Variants in SDK1 observed in about 807,000 individuals in gnomAD.
SDK1 encodes the protein sidekick cell adhesion molecule 1.
A neutral mutation model predicts 245.5 loss-of-function variants in SDK1; 157 were observed. The observed-to-expected ratio is 0.64, with a 90% CI of 0.56 to 0.73. The LOEUF (loss-of-function observed/expected upper bound fraction) is 0.73, where lower values mean the gene tolerates loss of function less well. Among genes scored for constraint, SDK1 ranks in the 30% least tolerant of loss-of-function variants. SDK1 has a pLI of 0.00. For synonymous variants in SDK1, 1,647 were observed against 1,278.5 expected (o/e 1.29, Z -6.15); for missense variants, 3,583 against 3,002.3 (o/e 1.19, Z -4.52).
chr7:3,665,845 C>G (rs1352015856), intron 4 of SDK1, among the ~76,000 whole-genome samples: 3 of 152,126 alleles, frequency 2.0e-5, no homozygotes, highest in Admixed American at 6.5e-5. Flanking sequence ...TTGCTTTTCT[C>G]TCTTTATTAA....
chr7:3,477,778 C>T (rs1562510534), intron 1 of SDK1, among the ~76,000 whole-genome samples: 1 of 151,956 alleles, frequency 6.6e-6, no homozygotes, highest in Non-Finnish European at 1.5e-5. Context: ...ACTCCCAAAG[C>T]ACAGGGATTA....
intron 38 of SDK1, among the ~76,000 whole-genome samples, chr7:4,216,042 C>T (rs1278116005): frequency 6.6e-6 from 1 of 152,194 alleles, no homozygotes; most frequent in Non-Finnish European, 1.5e-5. Context: ...GATACCACAA[C>T]CGGCCTTGGC....
intron 13 of SDK1, among the ~76,000 whole-genome samples, chr7:3,980,828 G>A (rs1040641578): frequency 3.3e-5 from 5 of 152,006 alleles, no homozygotes; most frequent in Non-Finnish European, 5.9e-5. Context: ...TGTAATCCCA[G>A]CTACTCAGGA....
chr7:3,484,041 A>G (rs1476684755), intron 1 of SDK1, among the ~76,000 whole-genome samples: 1 of 152,218 alleles, frequency 6.6e-6, no homozygotes, highest in Non-Finnish European at 1.5e-5. Context: ...TCAAACATTT[A>G]TCATTTCTGT....
At chr7:3,821,367 A>G (rs1779641788) in intron 4 of SDK1, 83 bp from the exon 5 acceptor site, 2 of 1,466,542 alleles carry the variant, frequency 1.4e-6, no homozygotes, top group African/African-American at 1.4e-5. Context: ...GCATTCCTTT[A>G]TAGTTGGCCT....
chr7:3,412,322 C>G (rs779499630), intron 1 of SDK1, among the ~76,000 whole-genome samples: 3 of 152,136 alleles, frequency 2.0e-5, no homozygotes, highest in Non-Finnish European at 2.9e-5. Context: ...TCTCTTCCCT[C>G]TTTTATTTTT....
chr7:3,721,505 C>T (rs1306601159), intron 4 of SDK1, among the ~76,000 whole-genome samples: 1 of 152,212 alleles, frequency 6.6e-6, no homozygotes, highest in Non-Finnish European at 1.5e-5. Context: ...TTTCACAGTA[C>T]AGCGTAGGCT....
At chr7:3,608,889 C>T (rs1781503692) in intron 1 of SDK1, among the ~76,000 whole-genome samples, 1 of 152,128 alleles carries the variant, frequency 6.6e-6, no homozygotes. Flanking sequence ...TAAAATACTC[C>T]CCTCCTTTCC....
chr7:3,525,949 G>A (rs141866100), intron 1 of SDK1, among the ~76,000 whole-genome samples: 2,007 of 152,184 alleles, frequency 0.013, 13 homozygotes, highest in Non-Finnish European at 0.021. Context: ...AATTCACATT[G>A]TGGGCCAGGC....
At chr7:3,703,927 C>A (rs1409950162) in intron 4 of SDK1, among the ~76,000 whole-genome samples, 3 of 152,098 alleles carry the variant, frequency 2.0e-5, no homozygotes, top group South Asian at 2.1e-4. Context: ...ATTTCAATAA[C>A]TTTTGGAGTA....
At chr7:3,526,421 T>G (rs1783134526) in intron 1 of SDK1, among the ~76,000 whole-genome samples, 1 of 152,188 alleles carries the variant, frequency 6.6e-6, no homozygotes, top group African/African-American at 2.4e-5. Context: ...TAACTTCCAT[T>G]TAATAATCAT....
intron 5 of SDK1, among the ~76,000 whole-genome samples, chr7:3,826,384 A>G (rs1236324555): frequency 6.6e-6 from 1 of 152,158 alleles, no homozygotes; most frequent in Non-Finnish European, 1.5e-5. Context: ...GATTTTCTTG[A>G]TACAATCTAG....
At chr7:3,606,518 G>C (rs375570464) in intron 1 of SDK1, among the ~76,000 whole-genome samples, 30 of 152,182 alleles carry the variant, frequency 2.0e-4, no homozygotes, top group Admixed American at 5.2e-4. Context: ...ACCCTCATCT[G>C]TCATCCCCCG....
chr7:4,246,325 C>T (rs995453063), intron 44 of SDK1, among the ~76,000 whole-genome samples: 1 of 152,096 alleles, frequency 6.6e-6, no homozygotes, highest in Admixed American at 6.6e-5. Context: ...GTAACTGGGC[C>T]TAGACCACCT....
intron 1 of SDK1, among the ~76,000 whole-genome samples, chr7:3,433,101 C>A (rs950247839): frequency 6.6e-6 from 1 of 152,172 alleles, no homozygotes; most frequent in South Asian, 2.1e-4. Flanking sequence ...CCAGAGATTC[C>A]AGTCAACATA....
intron 44 of SDK1, among the ~76,000 whole-genome samples, chr7:4,259,885 C>T (rs1583193423): frequency 6.6e-6 from 1 of 152,188 alleles, no homozygotes; most frequent in African/African-American, 2.4e-5. Context: ...AGCTCAGGTG[C>T]AGGCTCCCAC....
chr7:4,076,564 A>ATACT (rs1342909020), intron 20 of SDK1, among the ~76,000 whole-genome samples: 2 of 152,130 alleles, frequency 1.3e-5, no homozygotes, highest in Admixed American at 6.5e-5. Flanking sequence ...AGATAGATAC[A>ATACT]TACATACATA....
At chr7:3,941,746 C>A (rs986047062) in intron 5 of SDK1, among the ~76,000 whole-genome samples, 1 of 152,176 alleles carries the variant, frequency 6.6e-6, no homozygotes, top group Non-Finnish European at 1.5e-5. Flanking sequence ...CAAACTCGAA[C>A]CTCTTTGACG....
rs143852578 is a variant in SDK1 at position 3,559,953 on chromosome 7, C to G, written c.299-59127C>G. Among the ~76,000 whole-genome samples the G allele has an allele frequency of 2.6e-3, 397 of 152,248 alleles. 2 individuals are homozygous for G. Among genetic ancestry groups the G allele is most frequent in the African/African-American group, 9.0e-3 (372 of 41,540 alleles). On this transcript the variant is annotated intron_variant, in intron 1 of 44. Coordinates refer to ENST00000404826, the MANE Select transcript of SDK1 (RefSeq NM_152744.4). ...AATAAACTTAAAAAGTACTCAGCAC[C>G]TCACAACTTTGAAGAACATGGAAAC...
Sources: allele counts gnomAD v4.1 joint callset (sites outside exome capture counted in the v4.1 genomes callset), GRCh38; gene constraint gnomAD v4.1.1; transcripts MANE v1.5; gene names NCBI Gene and HGNC (gene_info 2026-07-23, HGNC 2026-07-21).